Variants in RBFOX1 observed in about 807,000 individuals in gnomAD.
RBFOX1 encodes the protein RNA binding protein fox-1 homolog 1.
A neutral mutation model predicts 57.7 loss-of-function variants in RBFOX1; 8 were observed. That is an observed-to-expected ratio of 0.14 (90% CI 0.08 to 0.25). The LOEUF is 0.25. Among genes scored for constraint, RBFOX1 ranks in the 10% least tolerant of loss-of-function variants. The pLI is 1.00. For synonymous variants in RBFOX1, 326 were observed against 222.4 expected (o/e 1.47, Z -4.15); for missense variants, 611 against 548.5 (o/e 1.11, Z -1.14).
At chr16:5,728,623 A>G (rs1393069705) in intron 3 of RBFOX1, among the ~76,000 whole-genome samples, 1 of 152,160 alleles carries the variant, frequency 6.6e-6, no homozygotes, top group Non-Finnish European at 1.5e-5. Context: ...CTCCTCGCAC[A>G]TGTGAGCCCT....
At chr16:7,081,021 C>T (rs956222200) in intron 4 of RBFOX1, among the ~76,000 whole-genome samples, 15 of 152,158 alleles carry the variant, frequency 9.9e-5, no homozygotes, top group African/African-American at 2.4e-4. Context: ...AGTTGCTGGC[C>T]GTAGCCACAC....
chr16:6,213,827 T>G (rs751453662), intron 1 of RBFOX1, among the ~76,000 whole-genome samples: 1 of 152,148 alleles, frequency 6.6e-6, no homozygotes, highest in Non-Finnish European at 1.5e-5. Context: ...TCATCACTGT[T>G]GACATTTGGA....
intron 3 of RBFOX1, among the ~76,000 whole-genome samples, chr16:6,672,680 T>C (rs2098774180): frequency 6.6e-6 from 1 of 152,154 alleles, no homozygotes; most frequent in African/African-American, 2.4e-5. Flanking sequence ...CCACCCACCA[T>C]GATTCCGCTT....
At chr16:5,403,446 T>C (rs1412837219) in intron 1 of RBFOX1, among the ~76,000 whole-genome samples, 1 of 151,652 alleles carries the variant, frequency 6.6e-6, no homozygotes, top group Non-Finnish European at 1.5e-5. Flanking sequence ...GATGTTTCTG[T>C]TTCTGTTTGT....
chr16:5,590,539 C>T (rs1459195193), intron 2 of RBFOX1, among the ~76,000 whole-genome samples: 1 of 152,248 alleles, frequency 6.6e-6, no homozygotes, highest in South Asian at 2.1e-4. Flanking sequence ...AAGTTGGCTG[C>T]ATGCTCTTGG....
At chr16:7,510,840 C>T (rs2074889704) in intron 4 of RBFOX1, among the ~76,000 whole-genome samples, 1 of 152,176 alleles carries the variant, frequency 6.6e-6, no homozygotes, top group African/African-American at 2.4e-5. Context: ...GCAGGAGCCG[C>T]TGCTTTCCTG....
At chr16:6,951,193 C>A (rs773380460) in intron 3 of RBFOX1, among the ~76,000 whole-genome samples, 1 of 152,090 alleles carries the variant, frequency 6.6e-6, no homozygotes, top group African/African-American at 2.4e-5. Context: ...AGGTGTGAGC[C>A]AACAGGCCCT....
At chr16:6,258,957 A>G (rs1321471881) in intron 1 of RBFOX1, among the ~76,000 whole-genome samples, 1 of 152,254 alleles carries the variant, frequency 6.6e-6, no homozygotes, top group East Asian at 1.9e-4. Flanking sequence ...GAATCAATGC[A>G]ATTCCGAGTT....
At chr16:7,341,657 C>T (rs2096893160) in intron 4 of RBFOX1, among the ~76,000 whole-genome samples, 1 of 152,106 alleles carries the variant, frequency 6.6e-6, no homozygotes, top group African/African-American at 2.4e-5. Flanking sequence ...CTCCAAATGA[C>T]AGAGTTCCTG....
Position 6,795,434 on chromosome 16 carries a change from T to G in RBFOX1, c.-16+140784T>G, listed in dbSNP as rs190862944. 1.8e-4 allele frequency among the ~76,000 whole-genome samples: 28 copies of G among 152,266 alleles called. 1 individual carries two copies. In the South Asian group the frequency reaches 4.2e-3, roughly 23 times the overall value. ...TCCTCAAGTTAAATTAATTCCCATT[T>G]TTTTTAAGTTACGTCTTTATCAAAT... On this transcript the variant is annotated intron_variant, in intron 3 of 15. Transcript: ENST00000550418.
intron 1 of RBFOX1, among the ~76,000 whole-genome samples, chr16:6,264,803 A>G (rs2097723124): frequency 6.6e-6 from 1 of 151,988 alleles, no homozygotes; most frequent in African/African-American, 2.4e-5. Context: ...TAACTATCTG[A>G]TTAGTTTTTT....
intron 14 of RBFOX1, among the ~76,000 whole-genome samples, chr16:7,677,142 C>CAG (rs2073553916): frequency 2.0e-5 from 3 of 151,502 alleles, no homozygotes; most frequent in Admixed American, 2.0e-4. Context: ...TACACACACA[C>CAG]ACACACACAC....
At chr16:5,554,698 A>C (rs2045603266) in intron 2 of RBFOX1, among the ~76,000 whole-genome samples, 1 of 152,212 alleles carries the variant, frequency 6.6e-6, no homozygotes, top group African/African-American at 2.4e-5. Context: ...CTATTCCCAG[A>C]CACCAAAGGC....
chr16:7,006,561 C>T (rs756241785), intron 3 of RBFOX1, among the ~76,000 whole-genome samples: 9 of 152,062 alleles, frequency 5.9e-5, no homozygotes, highest in Non-Finnish European at 1.3e-4. Flanking sequence ...GCAGTCCTCC[C>T]ACCTCACCTT....
intron 1 of RBFOX1, among the ~76,000 whole-genome samples, chr16:6,130,610 C>T (rs79332396): frequency 2.4e-4 from 37 of 152,074 alleles, no homozygotes; most frequent in African/African-American, 7.2e-4. Context: ...AGCAAGAATC[C>T]GTTATTTGCT....
intron 1 of RBFOX1, among the ~76,000 whole-genome samples, chr16:6,234,834 CAG>C (rs2097493070): frequency 6.6e-6 from 1 of 152,046 alleles, no homozygotes; most frequent in South Asian, 2.1e-4. Context: ...CACACACACA[CAG>C]GCACACATGC....
chr16:5,253,990 AC>A (rs1567238890), intron 1 of RBFOX1, among the ~76,000 whole-genome samples: 3 of 132,178 alleles, frequency 2.3e-5, no homozygotes, highest in Admixed American at 7.6e-5. Flanking sequence ...TGTGGTAGAC[AC>A]TAGCTCAGGT....
intron 4 of RBFOX1, among the ~76,000 whole-genome samples, chr16:7,171,981 G>C (rs767850313): frequency 6.6e-6 from 1 of 152,194 alleles, no homozygotes; most frequent in South Asian, 2.1e-4. Flanking sequence ...AAGCTGTGTA[G>C]TATAGTAGGA....
chr16:5,431,237 A>G (rs2067724026), intron 1 of RBFOX1, among the ~76,000 whole-genome samples: 1 of 152,184 alleles, frequency 6.6e-6, no homozygotes, highest in Admixed American at 6.5e-5. Context: ...GCCTTTCGTA[A>G]AGTTCTGAAT....
Sources: allele counts gnomAD v4.1 joint callset (sites outside exome capture counted in the v4.1 genomes callset), GRCh38; gene constraint gnomAD v4.1.1; transcripts MANE v1.5; gene names NCBI Gene and HGNC (gene_info 2026-07-23, HGNC 2026-07-21).